The following RPTOR variants were observed in gnomAD, a reference collection of about 807,000 sequenced individuals.
RPTOR encodes regulatory associated protein of MTOR complex 1, also known as regulatory-associated protein of mTOR.
RPTOR carries 21 observed loss-of-function variants against 169.9 expected under a neutral mutation model. That is an observed-to-expected ratio of 0.12 (90% CI 0.09 to 0.18). RPTOR has a LOEUF of 0.18. Ranked by LOEUF, RPTOR falls within the 10% of genes least tolerant of loss-of-function variation. The pLI, the probability that RPTOR is intolerant of heterozygous loss-of-function variation, is 1.00. For synonymous variants in RPTOR, 732 were observed against 753.2 expected, an observed-to-expected ratio of 0.97 and a Z score of 0.46; for missense variants, 1,133 against 1,855.9, an observed-to-expected ratio of 0.61 and a Z score of 7.16.
chr17:80,735,598 C>T (rs1179250136), intron 5 of RPTOR, among the ~76,000 whole-genome samples: 5 of 152,194 alleles, frequency 3.3e-5, no homozygotes, highest in Non-Finnish European at 7.3e-5. Flanking sequence ...AGCTCACCGT[C>T]ACTGAAGACG....
intron 1 of RPTOR, among the ~76,000 whole-genome samples, chr17:80,619,431 T>C (rs2065338600): frequency 6.6e-6 from 1 of 152,208 alleles, no homozygotes; most frequent in African/African-American, 2.4e-5. Flanking sequence ...CAATCAGTTA[T>C]GAAGGAAGAC....
Position 80,659,209 on chromosome 17 carries a change from A to G in RPTOR, c.348+15399A>G, listed in dbSNP as rs866186305. 2.2e-4 allele frequency among the ~76,000 whole-genome samples: 33 copies of G among 152,350 alleles called. 1 individual carries two copies. Among genetic ancestry groups the G allele is most frequent in the Middle Eastern group, 3.4e-3 (1 of 294 alleles). On this transcript the variant is annotated intron_variant, in intron 3 of 33. Transcript: ENST00000306801. This position sits in a 1 kb window ranked among gnomAD's most constrained non-coding sequence, Gnocchi z 4.3. ...GTTAGGAGAGGGAAGAGCTGCACTC[A>G]TGCACACAGGGTGACCCTGGGTGAA...
rs575446957 is a variant in RPTOR at position 80,722,425 on chromosome 17, G to A, written c.508-8135G>A. Among the ~76,000 whole-genome samples, 61 of 150,990 alleles carry A rather than the reference G, an allele frequency of 4.0e-4. 5 individuals are homozygous for A. The highest frequency in any genetic ancestry group is 1.4e-3 in the African/African-American group (55 of 40,394). ...AAGAAGAATGGAATAGGCCCCTGAC[G>A]ATAAGTTTTTAAGGGGAGGGTGGAA... On this transcript the variant is annotated intron_variant, in intron 4 of 33. Coordinates refer to ENST00000306801, the MANE Select transcript of RPTOR (RefSeq NM_020761.3).
Position 80,726,277 on chromosome 17 carries a change from G to A in RPTOR, c.508-4283G>A, listed in dbSNP as rs34579757. Among the ~76,000 whole-genome samples the A allele has an allele frequency of 0.077, 11,790 of 152,248 alleles. 547 individuals are homozygous for A. Among genetic ancestry groups the A allele is most frequent in the Middle Eastern group, 0.13 (38 of 294 alleles). ...CTGGGGCCATCCATGGCCCTGTGCCGTGCTGCCTCCTGGACGCACGCTAGG... is the reference window on the plus strand; with the variant it reads ...CTGGGGCCATCCATGGCCCTGTGCCATGCTGCCTCCTGGACGCACGCTAGG... On this transcript the variant is annotated intron_variant, in intron 4 of 33. Transcript: ENST00000306801. This position sits in a 1 kb window ranked among gnomAD's most constrained non-coding sequence, Gnocchi z 4.5.
At chr17:80,923,360 G>C (rs888841824) in intron 22 of RPTOR, 130 bp from the exon 23 acceptor site, 3 of 960,024 alleles carry the variant, frequency 3.1e-6, no homozygotes, top group Non-Finnish European at 4.8e-6. Flanking sequence ...GGCATGCTGG[G>C]TGACTGAGGA....
chr17:80,550,812 C>A (rs1351726047), intron 1 of RPTOR, among the ~76,000 whole-genome samples: 2 of 152,216 alleles, frequency 1.3e-5, no homozygotes. Flanking sequence ...CTTGTCTGGA[C>A]ACTGCATTTG....
Position 80,891,720 on chromosome 17 carries a change from G to A in RPTOR, c.1984G>A (p.Glu662Lys). ...TATTGTCCCTTCTCCCTCTCGGCAGGAGCTGGTGGTGGCTCTGAGTCATCT... is the reference window on the plus strand; with the variant it reads ...TATTGTCCCTTCTCCCTCTCGGCAGAAGCTGGTGGTGGCTCTGAGTCATCT... ...VSDGSPMVRKELVVALSHLVV... is the reference protein window; with the variant it reads ...VSDGSPMVRKKLVVALSHLVV... The change falls in exon 18 of 34, where the codon GAG becomes AAG. Residue 662 changes from glutamate (E) to lysine (K), a missense_variant and splice_region_variant. Coordinates refer to ENST00000306801, the MANE Select transcript of RPTOR (RefSeq NM_020761.3). The A allele has an allele frequency of 6.2e-7, 1 of 1,607,254 alleles. No homozygotes were observed. The highest frequency in any genetic ancestry group is 8.5e-7 in the Non-Finnish European group (1 of 1,174,220).
In RPTOR at chr17:80,823,262, G is replaced by C. The variant is rs112605765; in HGVS notation, c.1136+39G>C. The stretch of plus-strand genomic sequence containing the variant: ...GATCCTCCAGGTGCCGTGCTCCCCC[G>C]CCCTCCGTGGCACTGTGATGTCATG... On this transcript the variant is annotated intron_variant, in intron 9 of 33. Transcript: ENST00000306801. This position sits in a 1 kb window ranked among gnomAD's most constrained non-coding sequence, Gnocchi z 4.5. The C allele has an allele frequency of 6.2e-7, 1 of 1,604,198 alleles. No homozygotes were observed. The highest frequency in any genetic ancestry group is 1.7e-5 in the Admixed American group (1 of 59,688).
chr17:80,861,820 T>C lies in RPTOR; in HGVS notation c.1509+3920T>C, dbSNP rs1451011092. ...GTACCTTTTAGGACCTGGAAATTGA[T>C]GATGTCTTTATTTTTAGTCTCAGGG... On this transcript the variant is annotated intron_variant, in intron 13 of 33. Coordinates refer to ENST00000306801, the MANE Select transcript of RPTOR (RefSeq NM_020761.3). This position sits in a 1 kb window ranked among gnomAD's most constrained non-coding sequence, Gnocchi z 4.5. Among the ~76,000 whole-genome samples the C allele has an allele frequency of 1.3e-5, 2 of 152,166 alleles. No individual in the cohort carries two copies. Among genetic ancestry groups the C allele is most frequent in the African/African-American group, 2.4e-5 (1 of 41,442 alleles).
chr17:80,574,158 C>CTT (rs554064785), intron 1 of RPTOR, among the ~76,000 whole-genome samples: 58 of 129,288 alleles, frequency 4.5e-4, no homozygotes, highest in Admixed American at 6.8e-4. Flanking sequence ...TTTCTTTTTT[C>CTT]TTTTTTTTTT....
intron 7 of RPTOR, among the ~76,000 whole-genome samples, chr17:80,809,796 T>C (rs948864222): frequency 1.3e-5 from 2 of 152,072 alleles, no homozygotes; most frequent in Non-Finnish European, 2.9e-5. Context: ...CCCAACACTT[T>C]GGGAGGTCGA....
At chr17:80,840,511 ACACCACGGCAG>A (rs2067621108) in intron 10 of RPTOR, among the ~76,000 whole-genome samples, 1 of 89,984 alleles carries the variant, frequency 1.1e-5, no homozygotes, top group Non-Finnish European at 2.3e-5. Flanking sequence ...ACGGCAGCTC[ACACCACGGCAG>A]CTCACACTCA....
Position 80,949,618 on chromosome 17 carries a change from G to C in RPTOR, c.3370+71G>C, listed in dbSNP as rs2069148406. 15 of 1,274,748 alleles carry C rather than the reference G, an allele frequency of 1.2e-5. 1 individual carries two copies. The South Asian group carries it at 1.8e-4, about 15-fold the overall frequency. The allele number at this position is 1,274,748 out of a possible 1,614,324, so 79.0% of individuals were successfully genotyped here. ...CTGCGGACGCACTCGGAATTCCAAGGCCCTTCTGGGGCTGTCTCTAAACAG... is the reference window on the plus strand; with the variant it reads ...CTGCGGACGCACTCGGAATTCCAAGCCCCTTCTGGGGCTGTCTCTAAACAG... On this transcript the variant is annotated intron_variant, in intron 28 of 33. Transcript: ENST00000306801.
rs757484259 is a variant in RPTOR, at chr17:80,923,536, G to A, written c.2671G>A (p.Asp891Asn). 8.1e-6 allele frequency: 13 copies of A among 1,613,216 alleles called. No individual in the cohort carries two copies. The highest frequency in any genetic ancestry group is 2.7e-5 in the African/African-American group (2 of 74,944). Residue 891 changes from aspartate to asparagine, a missense_variant, in exon 23 of 34, where the codon GAT (aspartate) becomes AAT (asparagine). Transcript: ENST00000306801. ...CACCAGCAGCTCCAGCCTGACCAAC[G>A]ATGTGGCCAAGCAGCCGGTCAGCCG... Reference protein sequence around the residue: ...SSTSSSSLTNDVAKQPVSRDL... With the variant: ...SSTSSSSLTNNVAKQPVSRDL...
chr17:80,863,365 A>G (rs777070604), intron 13 of RPTOR, among the ~76,000 whole-genome samples: 2 of 152,230 alleles, frequency 1.3e-5, no homozygotes, highest in Non-Finnish European at 2.9e-5. Context: ...CCAGGCAGAT[A>G]GAATCAGGAA....
intron 13 of RPTOR, among the ~76,000 whole-genome samples, chr17:80,864,178 G>A (rs572634425): frequency 2.7e-4 from 41 of 152,254 alleles, no homozygotes; most frequent in South Asian, 6.2e-4. Context: ...AAAACTACAC[G>A]AAGGCATATC....
intron 10 of RPTOR, among the ~76,000 whole-genome samples, chr17:80,840,900 C>A (rs2067636686): frequency 2.2e-5 from 3 of 133,476 alleles, no homozygotes; most frequent in East Asian, 2.3e-4. Flanking sequence ...TCACACTCAC[C>A]ACACGGCAGC....
At chr17:80,656,156 T>C (rs1044939595) in intron 3 of RPTOR, among the ~76,000 whole-genome samples, 10 of 152,206 alleles carry the variant, frequency 6.6e-5, no homozygotes, top group Admixed American at 1.3e-4. Context: ...CCGCAACCTC[T>C]GCCTCCCAGG....
chr17:80,873,002 G>A (rs1480071842), intron 13 of RPTOR, among the ~76,000 whole-genome samples: 2 of 152,238 alleles, frequency 1.3e-5, no homozygotes, highest in Admixed American at 6.5e-5. Context: ...GAGGCCCCGG[G>A]GGGGACCCCC....
Sources: gnomAD v4.1 joint callset for allele counts (sites outside exome capture counted in the v4.1 genomes callset) on GRCh38, gnomAD v4.1.1 for gene constraint, Gnocchi (gnomAD v3.1) non-coding constraint, MANE v1.5 for transcripts, NCBI Gene and HGNC (gene_info 2026-07-23, HGNC 2026-07-21) for gene names.